PCDH11Y: variants seen among roughly 807,000 people sequenced by gnomAD.
PCDH11Y encodes protocadherin 11 Y-linked.
For synonymous variants in PCDH11Y, 9 were observed against 83.6 expected (o/e 0.11, Z 4.87); for missense variants, 12 against 224.8 (o/e 0.05, Z 6.05).
At chrY:5,170,796 A>C in intron 2 of PCDH11Y, among the ~76,000 whole-genome samples, 1 of 31,151 alleles carries the variant, frequency 3.2e-5, no homozygotes, top group Non-Finnish European at 7.9e-5. Flanking sequence ...GCATACAAAA[A>C]GCTATAGGTA....
rs2053103375 is a variant in PCDH11Y, at chrY:5,312,948, ATAACAATAAT to A, written c.3130-188106_3130-188097del. Among the ~76,000 whole-genome samples the A allele has an allele frequency of 1.2e-4, 4 of 32,590 alleles. No individual in the cohort carries two copies. In the East Asian group the frequency reaches 3.3e-3, roughly 27 times the overall value. 87.4% of individuals were successfully genotyped at this position (32,590 alleles called of 37,273 possible). On this transcript the variant is annotated intron_variant, in intron 2 of 4. Coordinates refer to the PCDH11Y transcript ENST00000400457. ...GTTAACAAATAAAAATAAACACACC[ATAACAATAAT>A]TATGTCACTGTTTTAGATAAAGTAT...
chrY:5,387,550 T>C, intron 2 of PCDH11Y, among the ~76,000 whole-genome samples: 2 of 29,306 alleles, frequency 6.8e-5, no homozygotes, highest in African/African-American at 1.4e-4. Flanking sequence ...GTGGATACCA[T>C]CACCTGCTCT....
intron 3 of PCDH11Y, among the ~76,000 whole-genome samples, chrY:5,559,324 A>T: frequency 3.0e-5 from 1 of 33,442 alleles, no homozygotes; most frequent in Non-Finnish European, 7.4e-5. Context: ...AAAAAGAAAG[A>T]ATACTTTCTG....
chrY:5,068,973 TG>T (rs2052693991), intron 1 of PCDH11Y, among the ~76,000 whole-genome samples: 1 of 32,794 alleles, frequency 3.0e-5, no homozygotes, highest in Non-Finnish European at 7.4e-5. Context: ...TCTCAAGGTC[TG>T]GTCTACCTTG....
At chrY:5,361,356 G>A in intron 2 of PCDH11Y, among the ~76,000 whole-genome samples, 1 of 32,181 alleles carries the variant, frequency 3.1e-5, no homozygotes, top group Non-Finnish European at 7.5e-5. Context: ...AAACCCTTTG[G>A]TAGGTGCTGA....
intron 2 of PCDH11Y, among the ~76,000 whole-genome samples, chrY:5,419,872 G>A (rs2053256208): frequency 3.2e-5 from 1 of 31,536 alleles, no homozygotes; most frequent in African/African-American, 1.3e-4. Flanking sequence ...AAGTCACATT[G>A]GGGGTTGGGG....
chrY:5,655,802 C>T, intron 4 of PCDH11Y, among the ~76,000 whole-genome samples: 1 of 30,192 alleles, frequency 3.3e-5, no homozygotes, highest in Non-Finnish European at 7.9e-5. Context: ...TCTTAACCAC[C>T]AACAGTGTAC....
chrY:5,369,299 T>C, intron 2 of PCDH11Y, among the ~76,000 whole-genome samples: 2 of 33,043 alleles, frequency 6.1e-5, no homozygotes, highest in Non-Finnish European at 1.5e-4. Context: ...GGGGAGATCA[T>C]TGAATCAACT....
intron 2 of PCDH11Y, among the ~76,000 whole-genome samples, chrY:5,244,466 G>A: frequency 1.2e-4 from 4 of 33,257 alleles, no homozygotes; most frequent in Non-Finnish European, 2.2e-4. Context: ...GGCAGCTGGC[G>A]TGGTCCATGG....
chrY:5,424,943 C>T, intron 2 of PCDH11Y, among the ~76,000 whole-genome samples: 1 of 31,805 alleles, frequency 3.1e-5, no homozygotes, highest in Non-Finnish European at 7.6e-5. Flanking sequence ...TCCCAAAGTG[C>T]TGGGATTACA....
At chrY:5,326,453 A>G in intron 2 of PCDH11Y, among the ~76,000 whole-genome samples, 4 of 32,573 alleles carry the variant, frequency 1.2e-4, no homozygotes, top group Non-Finnish European at 3.0e-4. Context: ...AGGAAATGAG[A>G]GGTTCTGAGA....
chrY:5,586,284 G>A (rs2053455902), intron 4 of PCDH11Y, among the ~76,000 whole-genome samples: 1 of 31,728 alleles, frequency 3.2e-5, no homozygotes, highest in Non-Finnish European at 7.7e-5. Flanking sequence ...TCTGAGCCGT[G>A]GCTTGTAGTT....
At chrY:5,426,947 T>C in intron 2 of PCDH11Y, among the ~76,000 whole-genome samples, 1 of 33,608 alleles carries the variant, frequency 3.0e-5, no homozygotes, top group Non-Finnish European at 7.4e-5. Flanking sequence ...TAAATTTATA[T>C]TCAAGTGAAT....
chrY:5,434,998 T>C, intron 2 of PCDH11Y, among the ~76,000 whole-genome samples: 2 of 33,303 alleles, frequency 6.0e-5, no homozygotes, highest in Non-Finnish European at 1.5e-4. Flanking sequence ...CAGGAGGAGC[T>C]ATGAATATTT....
chrY:5,087,942 T>A (rs2124633266), intron 1 of PCDH11Y, among the ~76,000 whole-genome samples: 7 of 33,033 alleles, frequency 2.1e-4, no homozygotes, highest in Admixed American at 1.1e-3. Flanking sequence ...TGGCTCACAA[T>A]TGCTGTATTC....
intron 2 of PCDH11Y, among the ~76,000 whole-genome samples, chrY:5,372,902 CTT>C (rs1357665979): frequency 7.6e-3 from 43 of 5,690 alleles, no homozygotes; most frequent in Non-Finnish European, 8.6e-3. Context: ...TCCTTCCTTC[CTT>C]CCTTCCTTCC....
At chrY:5,584,544 T>C in intron 4 of PCDH11Y, among the ~76,000 whole-genome samples, 2 of 30,463 alleles carry the variant, frequency 6.6e-5, no homozygotes, top group Non-Finnish European at 1.6e-4. Context: ...AGTGAAACCC[T>C]CTGGTCCTCA....
chrY:5,453,332 AC>A (rs2053294862), intron 2 of PCDH11Y, among the ~76,000 whole-genome samples: 1 of 33,831 alleles, frequency 3.0e-5, no homozygotes, highest in African/African-American at 1.2e-4. Flanking sequence ...CTATCCACAT[AC>A]AGAAGAATGA....
chrY:5,215,304 T>C (rs2052944479), intron 2 of PCDH11Y, among the ~76,000 whole-genome samples: 3 of 30,488 alleles, frequency 9.8e-5, no homozygotes, highest in African/African-American at 3.9e-4. Flanking sequence ...GGCTAGGGTA[T>C]ACCTTTTTTC....
Sources: gnomAD v4.1 joint callset for allele counts (sites outside exome capture counted in the v4.1 genomes callset) on GRCh38, gnomAD v4.1.1 for gene constraint, MANE v1.5 for transcripts, NCBI Gene and HGNC (gene_info 2026-07-23, HGNC 2026-07-21) for gene names.